Variants in GRID2 observed in about 807,000 individuals in gnomAD.
GRID2 encodes the protein glutamate receptor ionotropic, delta-2.
Under a neutral mutation model 114.8 loss-of-function variants are expected in GRID2, and 33 were observed. The observed-to-expected ratio is 0.29, with a 90% confidence interval of 0.22 to 0.38. The LOEUF (loss-of-function observed/expected upper bound fraction) is 0.38, where lower values mean the gene tolerates loss of function less well. Ranked by LOEUF, GRID2 falls within the 10% of genes least tolerant of loss-of-function variation. The probability of loss-of-function intolerance (pLI) is 1.00; values close to 1 mark genes in which losing one functional copy is unlikely to be tolerated. For synonymous variants in GRID2, 505 were observed against 449.9 expected, an observed-to-expected ratio of 1.12 and a Z score of -1.55; for missense variants, 1,184 against 1,257.7, an observed-to-expected ratio of 0.94 and a Z score of 0.89.
intron 8 of GRID2, among the ~76,000 whole-genome samples, chr4:93,291,024 C>G (rs1753698264): frequency 6.6e-6 from 1 of 151,572 alleles, no homozygotes; most frequent in South Asian, 2.1e-4. Flanking sequence ...ACTACAGGCG[C>G]CCACCACCAA....
chr4:92,815,915 A>G (rs1740872212), intron 2 of GRID2, among the ~76,000 whole-genome samples: 1 of 15,626 alleles, frequency 6.4e-5, no homozygotes, highest in Non-Finnish European at 1.2e-4. Flanking sequence ...ACCCTGTCTC[A>G]AAAAAAAAAA....
intron 8 of GRID2, among the ~76,000 whole-genome samples, chr4:93,279,506 A>G (rs900740215): frequency 1.3e-5 from 2 of 151,902 alleles, no homozygotes; most frequent in African/African-American, 4.8e-5. Flanking sequence ...TTATTTTGGA[A>G]CATACTGAGA....
chr4:93,297,795 A>G (rs1459295322), intron 8 of GRID2, among the ~76,000 whole-genome samples: 1 of 152,164 alleles, frequency 6.6e-6, no homozygotes, highest in Non-Finnish European at 1.5e-5. Context: ...CTTTTTATAC[A>G]TAAATATTAT....
intron 2 of GRID2, among the ~76,000 whole-genome samples, chr4:93,065,283 C>G (rs1366232301): frequency 6.6e-6 from 1 of 151,790 alleles, no homozygotes; most frequent in Non-Finnish European, 1.5e-5. Context: ...GATTAAAAAA[C>G]CAGACTGTCA....
intron 2 of GRID2, among the ~76,000 whole-genome samples, chr4:92,856,290 C>G (rs958106969): frequency 1.3e-5 from 2 of 152,020 alleles, no homozygotes; most frequent in Non-Finnish European, 2.9e-5. Flanking sequence ...TTTCTATACC[C>G]ACTATCTAAT....
At chr4:92,703,617 TTA>T (rs3971001) in intron 2 of GRID2, among the ~76,000 whole-genome samples, 59,936 of 140,636 alleles carry the variant, frequency 0.43, 12,842 homozygotes, top group Non-Finnish European at 0.48. Flanking sequence ...AGGAAAAACA[TTA>T]TATATATATA....
At chr4:93,805,547 C>A (rs1012336057) in intron 1 of GRID2, among the ~76,000 whole-genome samples, 1 of 152,158 alleles carries the variant, frequency 6.6e-6, no homozygotes, top group African/African-American at 2.4e-5. Context: ...ATTAGAAACA[C>A]TCAGTCTTCT....
At chr4:92,979,533 GT>G (rs1338224595) in intron 2 of GRID2, among the ~76,000 whole-genome samples, 1 of 152,096 alleles carries the variant, frequency 6.6e-6, no homozygotes, top group African/African-American at 2.4e-5. Flanking sequence ...GCATGCTGAA[GT>G]TTGCAAAATG....
intron 1 of GRID2, among the ~76,000 whole-genome samples, chr4:92,518,535 C>A (rs1724617373): frequency 6.6e-6 from 1 of 151,552 alleles, no homozygotes; most frequent in Admixed American, 6.6e-5. Flanking sequence ...ATGGTGGATG[C>A]CAGAGGATTG....
intron 1 of GRID2, among the ~76,000 whole-genome samples, chr4:92,507,075 A>G (rs958046596): frequency 5.9e-5 from 9 of 151,780 alleles, no homozygotes; most frequent in Admixed American, 3.3e-4. Flanking sequence ...GTCTACTTTC[A>G]CTATCTCTAT....
chr4:93,377,146 A>T (rs147192075), intron 8 of GRID2, among the ~76,000 whole-genome samples: 1 of 152,172 alleles, frequency 6.6e-6, no homozygotes, highest in Non-Finnish European at 1.5e-5. Context: ...GGCAAGAAAG[A>T]GTAGGCGCAT....
chr4:93,376,491 A>T (rs1029018644), intron 8 of GRID2, among the ~76,000 whole-genome samples: 9 of 152,190 alleles, frequency 5.9e-5, no homozygotes, highest in African/African-American at 2.2e-4. Context: ...GGAACAAATG[A>T]AGATAGATGA....
chr4:92,785,565 A>G (rs1442670006), intron 2 of GRID2, among the ~76,000 whole-genome samples: 1 of 151,758 alleles, frequency 6.6e-6, no homozygotes, highest in Non-Finnish European at 1.5e-5. Context: ...AAAACAGGCT[A>G]TATTTAAAGG....
At chr4:92,959,968 A>T (rs984451523) in intron 2 of GRID2, among the ~76,000 whole-genome samples, 4 of 151,978 alleles carry the variant, frequency 2.6e-5, no homozygotes, top group Admixed American at 2.6e-4. Context: ...ACAAACCTGC[A>T]TGTTCTGCAC....
intron 5 of GRID2, among the ~76,000 whole-genome samples, chr4:93,214,728 C>T (rs1743983377): frequency 6.6e-6 from 1 of 151,970 alleles, no homozygotes; most frequent in Non-Finnish European, 1.5e-5. Context: ...GGTAACCACC[C>T]CTTTTCCCTT....
intron 4 of GRID2, among the ~76,000 whole-genome samples, chr4:93,112,852 C>T (rs540040645): frequency 6.6e-6 from 1 of 152,194 alleles, no homozygotes; most frequent in South Asian, 2.1e-4. Context: ...TTCTTCTCTT[C>T]GTGTTTGTTT....
intron 10 of GRID2, among the ~76,000 whole-genome samples, chr4:93,432,045 A>C (rs1769467546): frequency 6.6e-6 from 1 of 152,216 alleles, no homozygotes; most frequent in South Asian, 2.1e-4. Flanking sequence ...ACGTATGTTG[A>C]CAGTGATGGG....
intron 1 of GRID2, among the ~76,000 whole-genome samples, chr4:93,789,904 G>C (rs1023516061): frequency 6.6e-6 from 1 of 152,208 alleles, no homozygotes; most frequent in Non-Finnish European, 1.5e-5. Flanking sequence ...ATGGGGGTAA[G>C]TGAGCACTGC....
chr4:92,597,426 T>A (rs577392457), intron 2 of GRID2, among the ~76,000 whole-genome samples: 2 of 152,302 alleles, frequency 1.3e-5, no homozygotes, highest in East Asian at 3.9e-4. Context: ...GACCTCTACA[T>A]CATAATTTTA....
Sources: allele counts gnomAD v4.1 joint callset (sites outside exome capture counted in the v4.1 genomes callset), GRCh38; gene constraint gnomAD v4.1.1; transcripts MANE v1.5; gene names NCBI Gene and HGNC (gene_info 2026-07-23, HGNC 2026-07-21).